NEK10: variants seen among roughly 807,000 people sequenced by gnomAD.
The protein encoded by NEK10 is NIMA related kinase 10.
Under a neutral mutation model 159.8 loss-of-function variants are expected in NEK10, and 122 were observed. The ratio of observed to expected loss-of-function variants is 0.76; its 90% CI spans 0.66 to 0.89. NEK10 has a LOEUF of 0.89. Among genes scored for constraint, NEK10 ranks in the 40% least tolerant of loss-of-function variants. The pLI, the probability that NEK10 is intolerant of heterozygous loss-of-function variation, is 0.00. For missense variants in NEK10, 1,342 were observed against 1,323.1 expected, an observed-to-expected ratio of 1.01 and a Z score of -0.22; for synonymous variants, 466 against 457.1, an observed-to-expected ratio of 1.02 and a Z score of -0.25.
intron 23 of NEK10, among the ~76,000 whole-genome samples, chr3:27,226,180 C>T (rs1017251012): frequency 7.3e-5 from 11 of 151,286 alleles, no homozygotes; most frequent in African/African-American, 1.5e-4. Context: ...TACAGGCGCC[C>T]GCCACTACGC....
chr3:27,300,148 C>G (rs2043689759), intron 13 of NEK10, among the ~76,000 whole-genome samples: 1 of 152,174 alleles, frequency 6.6e-6, no homozygotes, highest in Non-Finnish European at 1.5e-5. Flanking sequence ...GTAACTCCCA[C>G]AATTTTCATG....
At chr3:27,304,486 T>A (rs912977819) in intron 12 of NEK10, among the ~76,000 whole-genome samples, 7 of 152,216 alleles carry the variant, frequency 4.6e-5, no homozygotes, top group Non-Finnish European at 7.3e-5. Context: ...GATGGCCTTC[T>A]ACATTCCCAG....
At chr3:27,282,215 T>C (rs2042211222) in intron 22 of NEK10, among the ~76,000 whole-genome samples, 1 of 152,072 alleles carries the variant, frequency 6.6e-6, no homozygotes, top group Non-Finnish European at 1.5e-5. Flanking sequence ...AGTGGAGACG[T>C]GGCCATTTTG....
chr3:27,122,877 AGAG>A (rs929865862), intron 32 of NEK10, among the ~76,000 whole-genome samples: 9 of 152,142 alleles, frequency 5.9e-5, no homozygotes, highest in African/African-American at 1.9e-4. Flanking sequence ...AACTCTGAAG[AGAG>A]GAGTTTTCAT....
chr3:27,201,325 C>T (rs1950024202), intron 25 of NEK10, among the ~76,000 whole-genome samples, 185 bp downstream of exon 25: 1 of 152,196 alleles, frequency 6.6e-6, no homozygotes, highest in African/African-American at 2.4e-5. Flanking sequence ...CGCTCTACTT[C>T]CTCTTGGACA....
chr3:27,129,889 G>GTT (rs199948729), intron 32 of NEK10, among the ~76,000 whole-genome samples: 4,939 of 144,912 alleles, frequency 0.034, 103 homozygotes, highest in South Asian at 0.049. Context: ...ATTAAGAAAG[G>GTT]TTTTTTTTTT....
intron 30 of NEK10, among the ~76,000 whole-genome samples, chr3:27,153,417 G>C (rs1945092589): frequency 1.3e-5 from 2 of 151,372 alleles, no homozygotes; most frequent in Admixed American, 6.6e-5. Context: ...AGTCAACAGA[G>C]AAACAATGGA....
chr3:27,278,833 T>C lies in NEK10; in HGVS notation c.2014+5769A>G, dbSNP rs185157388. 96 of 985,264 alleles carry C rather than the reference T, an allele frequency of 9.7e-5. No individual in the cohort carries two copies. In the African/African-American group the frequency reaches 1.6e-3, roughly 17 times the overall value. 61.0% of individuals were successfully genotyped at this position (985,264 alleles called of 1,614,324 possible). A position where few individuals can be genotyped will look rare whatever the true frequency, so the allele number is the denominator to read the frequency against. ...AATTCCCTCAAGAGTCATTTTGTAA[T>C]GTGATGGCACAATATGGACCTTATT... On this transcript the variant is annotated intron_variant, in intron 22 of 35. Coordinates refer to ENST00000691995, the MANE Select transcript of NEK10 (RefSeq NM_001394966.1).
chr3:27,316,211 TA>T (rs1444749625), intron 6 of NEK10, among the ~76,000 whole-genome samples: 4 of 152,034 alleles, frequency 2.6e-5, no homozygotes, highest in Non-Finnish European at 5.9e-5. Context: ...CTTCTAGTCA[TA>T]AAATGAACTG....
rs1955111103 is a variant in NEK10 at position 27,246,776 on chromosome 3, C to T, written c.2090+9520G>A. ...TTCAATTATTTAATTTTTAGCACCACAAATTTTTATTCCCACACAATTTTT... is the reference window on the plus strand; with the variant it reads ...TTCAATTATTTAATTTTTAGCACCATAAATTTTTATTCCCACACAATTTTT... On this transcript the variant is annotated intron_variant, in intron 23 of 35. Coordinates refer to ENST00000691995, the MANE Select transcript of NEK10 (RefSeq NM_001394966.1). Among the ~76,000 whole-genome samples, 6 of 152,240 alleles carry T rather than the reference C, an allele frequency of 3.9e-5. No individual in the cohort carries two copies. The South Asian group carries it at 1.2e-3, about 32-fold the overall frequency.
chr3:27,241,884 T>C (rs1954592597), intron 23 of NEK10, among the ~76,000 whole-genome samples: 1 of 152,158 alleles, frequency 6.6e-6, no homozygotes, highest in Admixed American at 6.5e-5. Flanking sequence ...TGCCATCTCT[T>C]ATTCTAAGTA....
At chr3:27,177,645 GC>G (rs1947658101) in intron 26 of NEK10, among the ~76,000 whole-genome samples, 1 of 152,032 alleles carries the variant, frequency 6.6e-6, no homozygotes, top group African/African-American at 2.4e-5. Context: ...TAAACCATAT[GC>G]CACACATTTT....
At chr3:27,234,852 T>C (rs1192766937) in intron 23 of NEK10, among the ~76,000 whole-genome samples, 1 of 152,148 alleles carries the variant, frequency 6.6e-6, no homozygotes, top group Non-Finnish European at 1.5e-5. Context: ...TCATGTTACC[T>C]GACTCCAAGC....
At chr3:27,118,171 G>A (rs1940757743) in intron 33 of NEK10, among the ~76,000 whole-genome samples, 1 of 152,120 alleles carries the variant, frequency 6.6e-6, no homozygotes, top group Non-Finnish European at 1.5e-5. Context: ...TGTTCCATTG[G>A]TCTATGTGTC....
intron 13 of NEK10, among the ~76,000 whole-genome samples, chr3:27,298,229 G>C (rs117625110): frequency 6.6e-6 from 1 of 152,108 alleles, no homozygotes; most frequent in Non-Finnish European, 1.5e-5. Context: ...GGAGGAACCC[G>C]GTGTGAAGTG....
intron 5 of NEK10, among the ~76,000 whole-genome samples, chr3:27,331,773 T>A (rs1292371804): frequency 6.6e-6 from 1 of 152,218 alleles, no homozygotes; most frequent in African/African-American, 2.4e-5. Context: ...CTAATAACGT[T>A]GTGATGTTTT....
At chr3:27,202,626 A>T in intron 23 of NEK10, 69 bp from the exon 24 acceptor site, 4 of 1,396,462 alleles carry the variant, frequency 2.9e-6, no homozygotes, top group Non-Finnish European at 3.8e-6. Context: ...TCCAATTTTC[A>T]AGCTTTATTG....
At chr3:27,163,837 C>G (rs1389885282) in intron 29 of NEK10, among the ~76,000 whole-genome samples, 4 of 152,168 alleles carry the variant, frequency 2.6e-5, no homozygotes, top group African/African-American at 9.7e-5. Flanking sequence ...TACAAGTAAA[C>G]ATGGCTGATA....
intron 3 of NEK10, among the ~76,000 whole-genome samples, chr3:27,346,619 C>T (rs752848026): frequency 5.9e-5 from 9 of 152,128 alleles, no homozygotes; most frequent in East Asian, 1.9e-4. Context: ...GTGATTCAAA[C>T]GTGCAAGCTG....
Sources: gnomAD v4.1 joint callset for allele counts (sites outside exome capture counted in the v4.1 genomes callset) on GRCh38, gnomAD v4.1.1 for gene constraint, MANE v1.5 for transcripts, NCBI Gene and HGNC (gene_info 2026-07-23, HGNC 2026-07-21) for gene names.